Variants in PPP4R4 observed in about 807,000 individuals in gnomAD.
The protein encoded by PPP4R4 is serine/threonine-protein phosphatase 4 regulatory subunit 4.
PPP4R4 carries 70 observed loss-of-function variants against 121.8 expected under a neutral mutation model. That is an observed-to-expected ratio of 0.57 (90% CI 0.47 to 0.70). The LOEUF is 0.70. Ranked by LOEUF, PPP4R4 falls within the 30% of genes least tolerant of loss-of-function variation. The pLI is 0.00. For synonymous variants in PPP4R4, 348 were observed against 355.7 expected (o/e 0.98, Z 0.24); for missense variants, 875 against 1,033.6 (o/e 0.85, Z 2.10).
At chr14:94,259,176 A>C in intron 18 of PPP4R4, 119 bp from the exon 19 acceptor site, 1 of 1,466,574 alleles carries the variant, frequency 6.8e-7, no homozygotes, top group Non-Finnish European at 9.1e-7. Flanking sequence ...GGGAGCTACA[A>C]GATGAAATTT....
chr14:94,208,481 A>T lies in PPP4R4; in HGVS notation c.209A>T (p.Gln70Leu). The T allele has an allele frequency of 6.2e-7, 1 of 1,609,010 alleles. No individual in the cohort carries two copies. Among genetic ancestry groups the T allele is most frequent in the Non-Finnish European group, 8.5e-7 (1 of 1,176,530 alleles). The change falls in exon 3 of 25, where the codon CAA (glutamine) becomes CTA (leucine). Residue 70 changes from glutamine (Q) to leucine (L), a missense_variant. Gln to Leu is a moderately radical substitution (Grantham distance 113). Coordinates refer to ENST00000304338, the MANE Select transcript of PPP4R4 (RefSeq NM_058237.2). ...TTTGTAAGTGCTGGTCAAGATGTCC[A>T]AGGAACAAGTGTGATTGCAAATCTC... ...VYLLSAGQDV[Q>L]GTSVIANLPF...
At chr14:94,262,541 C>G (rs2139634983) in intron 19 of PPP4R4, among the ~76,000 whole-genome samples, 1 of 152,034 alleles carries the variant, frequency 6.6e-6, no homozygotes, top group East Asian at 1.9e-4. Context: ...ATACAAATCT[C>G]TTTACCTCCT....
chr14:94,268,868 T>G (rs1894176881), intron 23 of PPP4R4, among the ~76,000 whole-genome samples: 1 of 152,074 alleles, frequency 6.6e-6, no homozygotes, highest in African/African-American at 2.4e-5. Context: ...TTATTACAGT[T>G]CAAGGTGAGA....
chr14:94,207,610 A>G (rs1338015314), intron 2 of PPP4R4, among the ~76,000 whole-genome samples: 2 of 151,918 alleles, frequency 1.3e-5, no homozygotes, highest in Non-Finnish European at 2.9e-5. Flanking sequence ...TCAGCTATCA[A>G]TATTTAAATT....
chr14:94,200,805 A>T (rs2402417), intron 2 of PPP4R4, among the ~76,000 whole-genome samples: 64,724 of 144,166 alleles, frequency 0.45, 16,744 homozygotes, highest in Non-Finnish European at 0.61. Context: ...TATCTTTTGT[A>T]TTTTTTTTTT....
intron 24 of PPP4R4, among the ~76,000 whole-genome samples, chr14:94,276,637 G>A (rs1433004496): frequency 9.5e-6 from 1 of 104,954 alleles, no homozygotes; most frequent in Non-Finnish European, 1.7e-5. Context: ...ACACCAAGCC[G>A]TGAGGGATCA....
intron 23 of PPP4R4, among the ~76,000 whole-genome samples, chr14:94,267,570 A>T (rs1009133683): frequency 6.6e-6 from 1 of 152,200 alleles, no homozygotes; most frequent in South Asian, 2.1e-4. Flanking sequence ...CTTTATCTAC[A>T]AAAACAGGCA....
At chr14:94,191,318 G>A (rs1363509031) in intron 2 of PPP4R4, among the ~76,000 whole-genome samples, 1 of 151,024 alleles carries the variant, frequency 6.6e-6, no homozygotes, top group Non-Finnish European at 1.5e-5. Flanking sequence ...GGAAAAATAA[G>A]CTCATCTGTT....
chr14:94,187,036 C>T (rs1329592217), intron 2 of PPP4R4, among the ~76,000 whole-genome samples: 2 of 152,036 alleles, frequency 1.3e-5, no homozygotes, highest in African/African-American at 4.8e-5. Flanking sequence ...TTTGTTAGGC[C>T]GAGCGTGGTG....
intron 24 of PPP4R4, 22 bp from the exon 25 acceptor site, chr14:94,278,597 C>T: frequency 2.6e-6 from 4 of 1,550,446 alleles, no homozygotes; most frequent in South Asian, 1.2e-5. Context: ...CCCTCTCTTC[C>T]TTCATTTCTT....
Position 94,277,484 on chromosome 14 carries a change from T to C in PPP4R4, c.2598-1135T>C, listed in dbSNP as rs562087231. Among the ~76,000 whole-genome samples the C allele has an allele frequency of 4.6e-5, 7 of 152,330 alleles. No homozygotes were observed. In the East Asian group the frequency reaches 7.7e-4, roughly 17 times the overall value. On this transcript the variant is annotated intron_variant, in intron 24 of 24. Transcript: ENST00000304338. ...GTTCCTCCTCCTCTAAGGTGCCTTC[T>C]AGCTCTGGCATCCTGAAATCCTCTT...
chr14:94,195,664 T>C (rs1266537616), intron 2 of PPP4R4, among the ~76,000 whole-genome samples: 1 of 152,028 alleles, frequency 6.6e-6, no homozygotes, highest in African/African-American at 2.4e-5. Context: ...TAGTATTTCC[T>C]AAATGATGAT....
chr14:94,242,059 T>G, intron 10 of PPP4R4, 102 bp downstream of exon 10: 2 of 1,228,700 alleles, frequency 1.6e-6, no homozygotes, highest in Non-Finnish European at 2.3e-6. Flanking sequence ...ACTTGCTGCT[T>G]GCATTATGTC....
chr14:94,251,818 TA>T lies in PPP4R4; in HGVS notation c.1788del (p.Ser598GlnfsTer16). The T allele has an allele frequency of 6.3e-7, 1 of 1,598,752 alleles. No homozygotes were observed. Among genetic ancestry groups the T allele is most frequent in the East Asian group, 2.2e-5 (1 of 44,606 alleles). On this transcript the variant is annotated frameshift_variant, in exon 16 of 25. Coordinates refer to ENST00000304338, the MANE Select transcript of PPP4R4 (RefSeq NM_058237.2). LOFTEE classifies it high-confidence loss of function. ...FLDTCEFIIE[I>X]FSKSFFCKYF... ...GATACCTGTGAATTTATTATAGAGATATTTTCAAAATCATTTTTCTGTAAAT... is the reference window on the plus strand; with the variant it reads ...GATACCTGTGAATTTATTATAGAGATTTTTCAAAATCATTTTTCTGTAAAT...
intron 5 of PPP4R4, among the ~76,000 whole-genome samples, chr14:94,231,742 A>C (rs1595502822): frequency 6.6e-6 from 1 of 152,144 alleles, no homozygotes; most frequent in East Asian, 1.9e-4. Context: ...ATTAATGAGC[A>C]TTTCTGTAGA....
chr14:94,218,261 A>G (rs960156517), intron 3 of PPP4R4, among the ~76,000 whole-genome samples: 1 of 152,272 alleles, frequency 6.6e-6, no homozygotes, highest in East Asian at 1.9e-4. Context: ...TTATTTAAAG[A>G]AATACTAGCC....
intron 23 of PPP4R4, among the ~76,000 whole-genome samples, chr14:94,269,880 G>C (rs945226301): frequency 1.3e-5 from 2 of 152,174 alleles, no homozygotes; most frequent in African/African-American, 4.8e-5. Context: ...GAACTAACAA[G>C]TAAATGTGAT....
chr14:94,248,120 A>C (rs2139590098), intron 14 of PPP4R4, among the ~76,000 whole-genome samples: 1 of 152,320 alleles, frequency 6.6e-6, no homozygotes, highest in Middle Eastern at 3.4e-3. Flanking sequence ...AGGAAGTCAA[A>C]TGATCTCTCT....
In PPP4R4 at chr14:94,265,463, C is replaced by T; in HGVS notation, c.2274C>T (p.Thr758=). The part of the protein sequence containing the change: ...PISVPGPSSV[T]PSTSKEIKKS... Reference sequence around the variant, plus strand: ...CTGTTCCTGGACCCTCTTCTGTCACCCCATCGACAAGTAAGAAATAACTTC... The same window carrying T: ...CTGTTCCTGGACCCTCTTCTGTCACTCCATCGACAAGTAAGAAATAACTTC... Residue 758 remains threonine (T), a synonymous_variant, in exon 21 of 25, where the codon ACC becomes ACT. Coordinates refer to ENST00000304338, the MANE Select transcript of PPP4R4 (RefSeq NM_058237.2). 1.2e-6 allele frequency: 2 copies of T among 1,607,558 alleles called. No individual in the cohort carries two copies. The highest frequency in any genetic ancestry group is 1.7e-6 in the Non-Finnish European group (2 of 1,174,288).
Sources: gnomAD v4.1 joint callset for allele counts (sites outside exome capture counted in the v4.1 genomes callset) on GRCh38, gnomAD v4.1.1 for gene constraint, MANE v1.5 for transcripts, NCBI Gene and HGNC (gene_info 2026-07-23, HGNC 2026-07-21) for gene names.